Variants in TP63 observed in about 807,000 individuals in gnomAD.
TP63 encodes the protein tumor protein p63.
In TP63, 17 loss-of-function variants were observed where a neutral mutation model predicts 82.8. The ratio of observed to expected loss-of-function variants is 0.21; its 90% CI spans 0.14 to 0.31. TP63 has a LOEUF of 0.31. Ranked by LOEUF, TP63 falls within the 10% of genes least tolerant of loss-of-function variation. The pLI is 1.00. For missense variants in TP63, 648 were observed against 895.3 expected (o/e 0.72, Z 3.52); for synonymous variants, 330 against 321.7 (o/e 1.03, Z -0.28).
At chr3:189,699,726 T>G (rs1375623920) in intron 1 of TP63, among the ~76,000 whole-genome samples, 2 of 152,184 alleles carry the variant, frequency 1.3e-5, no homozygotes, top group East Asian at 1.9e-4. Context: ...GACATAGCTT[T>G]ATGGATACCA....
chr3:189,726,096 A>G (rs1231588678), intron 1 of TP63, among the ~76,000 whole-genome samples: 1 of 152,040 alleles, frequency 6.6e-6, no homozygotes, highest in Non-Finnish European at 1.5e-5. Context: ...TTGCTAGTGA[A>G]TGTTTGGAAT....
intron 6 of TP63, 107 bp from the exon 7 acceptor site, chr3:189,867,726 G>GT (rs1194890718): frequency 5.9e-6 from 6 of 1,015,144 alleles, no homozygotes; most frequent in African/African-American, 3.2e-5. Flanking sequence ...AGGAGGAAGC[G>GT]TATCACTTCA....
intron 4 of TP63, among the ~76,000 whole-genome samples, chr3:189,849,708 T>C (rs1489140079): frequency 6.6e-6 from 1 of 152,124 alleles, no homozygotes; most frequent in Non-Finnish European, 1.5e-5. Flanking sequence ...TCAACTCCCT[T>C]AGTGTAAGGT....
chr3:189,792,293 C>G (rs145499277), intron 3 of TP63, among the ~76,000 whole-genome samples: 2 of 152,170 alleles, frequency 1.3e-5, no homozygotes, highest in Non-Finnish European at 2.9e-5. Context: ...CGCAAGCAAG[C>G]TCCACTCCCC....
chr3:189,839,908 G>A (rs1308408228), intron 4 of TP63, among the ~76,000 whole-genome samples: 3 of 152,164 alleles, frequency 2.0e-5, no homozygotes, highest in Non-Finnish European at 2.9e-5. Flanking sequence ...CTGCAGTGAG[G>A]GGATCTGGAG....
In TP63 at chr3:189,808,451, CACCGACT is replaced by C. The variant is rs762466892; in HGVS notation, c.508_514del (p.Asp170GlnfsTer27). On this transcript the variant is annotated frameshift_variant, in exon 4 of 14. Transcript: ENST00000264731. LOFTEE classifies it high-confidence loss of function. Reference sequence around the variant, plus strand: ...CTCCATCACCCGCCATCCCCTCCAACACCGACTACCCAGGCCCGCACAGTTTCGACGT... The same window carrying C: ...CTCCATCACCCGCCATCCCCTCCAACACCCAGGCCCGCACAGTTTCGACGT... 1 of 1,614,228 alleles carries C rather than the reference CACCGACT, an allele frequency of 6.2e-7. No homozygotes were observed. Among genetic ancestry groups the C allele is most frequent in the Non-Finnish European group, 8.5e-7 (1 of 1,180,044 alleles).
intron 4 of TP63, among the ~76,000 whole-genome samples, chr3:189,812,196 A>C (rs1727643303): frequency 6.6e-6 from 1 of 152,204 alleles, no homozygotes; most frequent in Admixed American, 6.5e-5. Context: ...TACTGTCAAA[A>C]TATAGCTAAT....
In TP63 at chr3:189,804,092, C is replaced by T. The variant is rs189012325; in HGVS notation, c.325-4180C>T. 6.6e-5 allele frequency among the ~76,000 whole-genome samples: 10 copies of T among 152,250 alleles called. No individual in the cohort carries two copies. The East Asian group carries it at 1.9e-3, about 29-fold the overall frequency. On this transcript the variant is annotated intron_variant, in intron 3 of 13. Coordinates refer to ENST00000264731, the MANE Select transcript of TP63 (RefSeq NM_003722.5). ...TACATGCATATGGGACATGGGGGCT[C>T]TATGGAGTTCTTCCAAAGGCCGTTT...
chr3:189,719,378 G>A (rs921161212), intron 1 of TP63, among the ~76,000 whole-genome samples: 8 of 152,088 alleles, frequency 5.3e-5, no homozygotes, highest in Non-Finnish European at 5.9e-5. Flanking sequence ...CCTTGATTAT[G>A]TGCCCATATT....
intron 3 of TP63, among the ~76,000 whole-genome samples, chr3:189,773,295 T>C (rs1289884493): frequency 6.6e-6 from 1 of 152,230 alleles, no homozygotes; most frequent in Non-Finnish European, 1.5e-5. Context: ...TGCATTTATT[T>C]TACTCCTCAA....
intron 1 of TP63, among the ~76,000 whole-genome samples, chr3:189,696,721 G>A (rs527387450): frequency 1.3e-5 from 2 of 152,134 alleles, no homozygotes; most frequent in East Asian, 1.9e-4. Context: ...CTTGGCAGTC[G>A]TTTATACTTT....
intron 3 of TP63, among the ~76,000 whole-genome samples, chr3:189,758,446 C>T (rs964117206): frequency 3.3e-5 from 5 of 152,164 alleles, no homozygotes; most frequent in Admixed American, 6.5e-5. Context: ...GTGCACATGT[C>T]GACAGCCCAC....
chr3:189,705,680 A>G (rs7623877), intron 1 of TP63, among the ~76,000 whole-genome samples: 39,005 of 151,940 alleles, frequency 0.26, 5,728 homozygotes, highest in East Asian at 0.58. Context: ...TTATATTTAG[A>G]AAATTTAAAA....
In TP63 at chr3:189,896,944, T is replaced by C. The variant is rs1011513540; in HGVS notation, c.*2442T>C. 4 of 226,646 alleles carry C rather than the reference T, an allele frequency of 1.8e-5. No homozygotes were observed. The highest frequency in any genetic ancestry group is 6.7e-5 in the African/African-American group (3 of 44,964). 14.0% of individuals were successfully genotyped at this position (226,646 alleles called of 1,614,324 possible). A position where few individuals can be genotyped will look rare whatever the true frequency, so the allele number is the denominator to read the frequency against. On this transcript the variant is annotated 3_prime_UTR_variant, in exon 14 of 14. Coordinates refer to ENST00000264731, the MANE Select transcript of TP63 (RefSeq NM_003722.5). ...GTTTGGAGACGTTTATAAACAGAAATGGAAAGCAGAGTTTTCATTAAATCC... is the reference window on the plus strand; with the variant it reads ...GTTTGGAGACGTTTATAAACAGAAACGGAAAGCAGAGTTTTCATTAAATCC...
At position 189,646,795 on chromosome 3, in the gene TP63, C is replaced by T. The variant is rs1184262357; in HGVS notation, c.62+15218C>T. 5.4e-5 allele frequency among the ~76,000 whole-genome samples: 8 copies of T among 147,368 alleles called. 1 individual carries two copies. The stretch of plus-strand genomic sequence containing the variant: ...AGCAAATAAATCTGGTTTGAGGCTA[C>T]ACGTAGTTGCTGGCCACACCCATAA... On this transcript the variant is annotated intron_variant, in intron 1 of 13. Coordinates refer to ENST00000264731, the MANE Select transcript of TP63 (RefSeq NM_003722.5).
chr3:189,868,319 A>G (rs1168518722), intron 7 of TP63, among the ~76,000 whole-genome samples: 1 of 152,200 alleles, frequency 6.6e-6, no homozygotes, highest in Middle Eastern at 3.2e-3. Flanking sequence ...CCTTCAAAAT[A>G]TGTAGCTAAA....
chr3:189,661,528 A>G (rs1346283881), intron 1 of TP63, among the ~76,000 whole-genome samples: 1 of 151,962 alleles, frequency 6.6e-6, no homozygotes, highest in Non-Finnish European at 1.5e-5. Flanking sequence ...ATTAGCCTTT[A>G]GTTTTCTTTT....
At chr3:189,795,241 A>G (rs1725575347) in intron 3 of TP63, among the ~76,000 whole-genome samples, 1 of 152,030 alleles carries the variant, frequency 6.6e-6, no homozygotes, top group Admixed American at 6.6e-5. Context: ...TATTTCCCCC[A>G]CTAAAGGAAA....
At position 189,894,504 on chromosome 3, in the gene TP63, C is replaced by T; in HGVS notation, c.*2C>T. The T allele has an allele frequency of 1.2e-6, 2 of 1,612,750 alleles. No homozygotes were observed. The highest frequency in any genetic ancestry group is 1.7e-6 in the Non-Finnish European group (2 of 1,179,978). On this transcript the variant is annotated 3_prime_UTR_variant, in exon 14 of 14. Transcript: ENST00000264731. ...CGCATCAAAGAGGAGGGGGAGTGAGCCTCACCATGTGAGCTCTTCCTATCC... is the reference window on the plus strand; with the variant it reads ...CGCATCAAAGAGGAGGGGGAGTGAGTCTCACCATGTGAGCTCTTCCTATCC...
Sources: allele counts gnomAD v4.1 joint callset (sites outside exome capture counted in the v4.1 genomes callset), GRCh38; gene constraint gnomAD v4.1.1; transcripts MANE v1.5; gene names NCBI Gene and HGNC (gene_info 2026-07-23, HGNC 2026-07-21).